BSG: variants seen among roughly 807,000 people sequenced by gnomAD.
BSG encodes the protein basigin.
A neutral mutation model predicts 43.1 loss-of-function variants in BSG; 37 were observed. That is an observed-to-expected ratio of 0.86 (90% CI 0.66 to 1.13). BSG has a LOEUF of 1.13. BSG is among the 50% of genes most tolerant of loss of function. The pLI is 0.00. For synonymous variants in BSG, 309 were observed against 238.7 expected, an observed-to-expected ratio of 1.29 and a Z score of -2.72; for missense variants, 599 against 554.2, an observed-to-expected ratio of 1.08 and a Z score of -0.81.
At chr19:573,978 G>C (rs1276052474) in intron 1 of BSG, among the ~76,000 whole-genome samples, 1 of 152,238 alleles carries the variant, frequency 6.6e-6, no homozygotes, top group African/African-American at 2.4e-5. Flanking sequence ...AGTGAGGCCG[G>C]GCGTGGTGGC....
chr19:571,407 C>T, upstream of BSG: 1 of 678,496 alleles, frequency 1.5e-6, no homozygotes, highest in Non-Finnish European at 2.7e-6. Flanking sequence ...GAGACGCCCC[C>T]ACCTGTGTCG....
At chr19:571,722 G>T, upstream of BSG, 2 of 692,994 alleles carry the variant, frequency 2.9e-6, no homozygotes. Flanking sequence ...CTGCCTGCGT[G>T]GGATGCAATC....
At chr19:579,133 G>T (rs1486178333) in intron 2 of BSG, 2 of 472,458 alleles carry the variant, frequency 4.2e-6, no homozygotes, top group South Asian at 3.1e-5. Flanking sequence ...GACGTGGGTG[G>T]GTGCCTTGTC....
intron 3 of BSG, 143 bp downstream of exon 3, chr19:579,799 CA>C (rs1982126904): frequency 7.7e-7 from 1 of 1,305,750 alleles, no homozygotes; most frequent in Admixed American, 2.9e-5. Flanking sequence ...CGCAGACCCC[CA>C]GAGGGAAACC....
chr19:580,492 C>T (rs1447838801), intron 4 of BSG, 31 bp downstream of exon 4: 9 of 1,608,404 alleles, frequency 5.6e-6, no homozygotes, highest in South Asian at 2.2e-5. Context: ...TACCGGGCAC[C>T]ACCGACTGTC....
chr19:577,888 A>T lies in BSG; in HGVS notation c.182A>T (p.Gln61Leu), dbSNP rs1265127559. 6.3e-7 allele frequency: 1 copy of T among 1,585,686 alleles called. No individual in the cohort carries two copies. The highest frequency in any genetic ancestry group is 2.3e-5 in the East Asian group (1 of 44,014). Residue 61 changes from glutamine (Q) to leucine (L), a missense_variant, in exon 2 of 9, where the codon CAG becomes CTG. Coordinates refer to ENST00000333511, the MANE Select transcript of BSG (RefSeq NM_001728.4). The stretch of plus-strand genomic sequence containing the variant: ...GAGATCCAGTGGTGGTTTGAAGGGC[A>T]GGGTCCCAACGACACCTGCTCCCAG... ...VPEIQWWFEG[Q>L]GPNDTCSQLW...
chr19:572,685 C>A lies in BSG; in HGVS notation c.51C>A (p.His17Gln). ...TGGGATTCGCGCTGCTGGGCACCCA[C>A]GGAGCCTCCGGGGCTGGTGAGGAGC... ...VLLGFALLGT[H>Q]GASGAAGFVQ... The change falls in exon 1 of 9, where the codon CAC becomes CAA. Residue 17 changes from histidine (H) to glutamine (Q), a missense_variant. His to Gln is a conservative substitution (Grantham distance 24, BLOSUM62 0). Coordinates refer to ENST00000333511, the MANE Select transcript of BSG (RefSeq NM_001728.4). The A allele has an allele frequency of 6.7e-7, 1 of 1,493,374 alleles. No individual in the cohort carries two copies. The highest frequency in any genetic ancestry group is 2.2e-5 in the Admixed American group (1 of 44,646). 92.5% of individuals were successfully genotyped at this position (1,493,374 alleles called of 1,614,324 possible).
chr19:582,504 C>G lies in BSG; in HGVS notation c.1095-10C>G. ...GGGGACACCCTCTCACCCGGCCCCT[C>G]GTGCCCCAGGAAGAGCAGCGGGCAG... On this transcript the variant is annotated splice_polypyrimidine_tract_variant and intron_variant, in intron 7 of 8. Coordinates refer to ENST00000333511, the MANE Select transcript of BSG (RefSeq NM_001728.4). 6.2e-7 allele frequency: 1 copy of G among 1,607,394 alleles called. No individual in the cohort carries two copies. Among genetic ancestry groups the G allele is most frequent in the South Asian group, 1.1e-5 (1 of 90,330 alleles).
At chr19:574,027 G>T (rs1448705582) in intron 1 of BSG, among the ~76,000 whole-genome samples, 1 of 152,184 alleles carries the variant, frequency 6.6e-6, no homozygotes, top group Non-Finnish European at 1.5e-5. Context: ...GGCTGAGGCG[G>T]GTGGATCACC....
In BSG at chr19:582,573, C is replaced by G; in HGVS notation, c.1154C>G (p.Ser385Cys). The change falls in exon 8 of 9, where the codon TCC (serine) becomes TGC (cysteine). Residue 385 changes from serine (S) to cysteine (C), a missense_variant. Coordinates refer to ENST00000333511, the MANE Select transcript of BSG (RefSeq NM_001728.4). The part of the protein sequence containing the change: ...KGKNVRQRNS[S>C] ...AAGAACGTCCGCCAGAGGAACTCTT[C>G]CTGAGGCAGGTGCGGTGGGCGGGAG... 3 of 1,262,676 alleles carry G rather than the reference C, an allele frequency of 2.4e-6. No individual in the cohort carries two copies. The highest frequency in any genetic ancestry group is 2.5e-5 in the Admixed American group (1 of 39,492). 78.2% of individuals were successfully genotyped at this position (1,262,676 alleles called of 1,614,324 possible).
chr19:572,746 G>A (rs1174160003), intron 1 of BSG, 45 bp downstream of exon 1: 1 of 1,407,200 alleles, frequency 7.1e-7, no homozygotes, highest in Non-Finnish European at 9.3e-7. Context: ...GCAGGGGCCG[G>A]GAATGGAGGC....
rs1371232976 is a variant in BSG at position 582,550 on chromosome 19, G to A, written c.1131G>A (p.Lys377=). ...GGCAGCACCAGAATGACAAAGGCAA[G>A]AACGTCCGCCAGAGGAACTCTTCCT... ...SSGQHQNDKG[K]NVRQRNSS is the part of the protein sequence containing the mutation. The change falls in exon 8 of 9, where the codon AAG becomes AAA. Residue 377 remains lysine, a synonymous_variant. Coordinates refer to ENST00000333511, the MANE Select transcript of BSG (RefSeq NM_001728.4). The A allele has an allele frequency of 6.5e-7, 1 of 1,542,070 alleles. No homozygotes were observed. Among genetic ancestry groups the A allele is most frequent in the African/African-American group, 1.4e-5 (1 of 72,072 alleles).
Position 572,654 on chromosome 19 carries a change from T to TGCTGCTGGGATTCGC in BSG, c.30_44dup (p.Phe11_Gly15dup), listed in dbSNP as rs765337671. 9 of 1,506,954 alleles carry TGCTGCTGGGATTCGC rather than the reference T, an allele frequency of 6.0e-6. No homozygotes were observed. The highest frequency in any genetic ancestry group is 1.3e-5 in the South Asian group (1 of 79,618). The allele number at this position is 1,506,954 out of a possible 1,614,324, so 93.3% of individuals were successfully genotyped here. ...GGAATCATGGCGGCTGCGCTGTTCG[T>TGCTGCTGGGATTCGC]GCTGCTGGGATTCGCGCTGCTGGGC... On this transcript the variant is annotated inframe_insertion, in exon 1 of 9. Coordinates refer to ENST00000333511, the MANE Select transcript of BSG (RefSeq NM_001728.4).
chr19:571,746 G>A (rs1981256111), upstream of BSG: 1 of 654,716 alleles, frequency 1.5e-6, no homozygotes, highest in African/African-American at 1.8e-5. Context: ...AGAGCACACG[G>A]GACAAAGGAA....
chr19:571,699 G>A (rs561666613), upstream of BSG: 1 of 720,066 alleles, frequency 1.4e-6, no homozygotes, highest in East Asian at 2.7e-5. Context: ...CACTTTACTT[G>A]TACGGAAGGG....
At chr19:573,070 A>AGGTTGAGAATCTCG (rs144098777) in intron 1 of BSG, among the ~76,000 whole-genome samples, 1 of 151,106 alleles carries the variant, frequency 6.6e-6, no homozygotes, top group South Asian at 2.1e-4. Context: ...GTTGGGGGTG[A>AGGTTGAGAATCTCG]CCTGCTTCCT....
chr19:575,505 G>A (rs1981684911), intron 1 of BSG: 1 of 151,442 alleles, frequency 6.6e-6, no homozygotes, highest in South Asian at 2.1e-4. Context: ...CAGATGAGAG[G>A]AGTGGGAGTG....
chr19:573,198 G>A (rs922770603), intron 1 of BSG, among the ~76,000 whole-genome samples: 1 of 152,206 alleles, frequency 6.6e-6, no homozygotes, highest in South Asian at 2.1e-4. Flanking sequence ...CAGGGGTCAG[G>A]GGCTGGTTGG....
intron 1 of BSG, among the ~76,000 whole-genome samples, chr19:573,923 C>A (rs542924300): frequency 1.3e-5 from 2 of 152,184 alleles, no homozygotes; most frequent in African/African-American, 2.4e-5. Flanking sequence ...TAGAAAATTT[C>A]TTCCTTTGTT....
Sources: allele counts gnomAD v4.1 joint callset (sites outside exome capture counted in the v4.1 genomes callset), GRCh38; gene constraint gnomAD v4.1.1; transcripts MANE v1.5; gene names NCBI Gene and HGNC (gene_info 2026-07-23, HGNC 2026-07-21).